COL25A1: variants seen among roughly 807,000 people sequenced by gnomAD.
COL25A1 encodes collagen alpha-1(XXV) chain.
A neutral mutation model predicts 128.4 loss-of-function variants in COL25A1; 103 were observed. The ratio of observed to expected loss-of-function variants is 0.80; its 90% CI spans 0.68 to 0.94. The LOEUF (loss-of-function observed/expected upper bound fraction) is 0.94, where lower values mean the gene tolerates loss of function less well. COL25A1 is among the 40% of genes least tolerant of loss of function. COL25A1 has a pLI of 0.00. For synonymous variants in COL25A1, 279 were observed against 277.2 expected (o/e 1.01, Z -0.06); for missense variants, 745 against 840.0 (o/e 0.89, Z 1.40).
chr4:109,197,349 A>G (rs1333098483), intron 3 of COL25A1, among the ~76,000 whole-genome samples: 1 of 131,346 alleles, frequency 7.6e-6, no homozygotes, highest in Non-Finnish European at 1.6e-5. Flanking sequence ...TATTATATAT[A>G]TATTATATAT....
At chr4:109,094,029 T>A (rs572513722) in intron 3 of COL25A1, among the ~76,000 whole-genome samples, 5 of 152,202 alleles carry the variant, frequency 3.3e-5, no homozygotes, top group African/African-American at 1.2e-4. Context: ...CAGCACAGTA[T>A]CTAAAAAACA....
intron 8 of COL25A1, chr4:108,942,366 CT>C: frequency 9.2e-7 from 1 of 1,083,094 alleles, no homozygotes; most frequent in Non-Finnish European, 1.4e-6. Context: ...TAGCACCTCC[CT>C]TTCCTGGGAC....
intron 10 of COL25A1, among the ~76,000 whole-genome samples, chr4:108,938,549 A>G (rs1560897310): frequency 6.6e-6 from 1 of 152,160 alleles, no homozygotes; most frequent in Admixed American, 6.5e-5. Flanking sequence ...GTGAATAGCC[A>G]CTGCACTACA....
At chr4:108,904,815 C>T (rs1743267770) in intron 13 of COL25A1, among the ~76,000 whole-genome samples, 1 of 152,098 alleles carries the variant, frequency 6.6e-6, no homozygotes, top group Non-Finnish European at 1.5e-5. Context: ...AATTTAAAGG[C>T]TATTCCCAGT....
chr4:109,051,927 T>TA (rs5860967), intron 3 of COL25A1, among the ~76,000 whole-genome samples: 1 of 151,352 alleles, frequency 6.6e-6, no homozygotes, highest in South Asian at 2.1e-4. Context: ...ATTCAAAGAT[T>TA]AAAAAAAAAT....
At chr4:108,828,942 G>C (rs1732725310) in intron 32 of COL25A1, among the ~76,000 whole-genome samples, 1 of 152,094 alleles carries the variant, frequency 6.6e-6, no homozygotes, top group Non-Finnish European at 1.5e-5. Context: ...AAATTTGAGG[G>C]GTCAGTGGAA....
chr4:108,952,459 T>C (rs11098014), intron 8 of COL25A1, among the ~76,000 whole-genome samples: 6,625 of 152,278 alleles, frequency 0.044, 370 homozygotes, highest in African/African-American at 0.13. Context: ...GGTGTAAAAG[T>C]GGGCTTGAAT....
chr4:109,114,962 C>G (rs1360231080), intron 3 of COL25A1, among the ~76,000 whole-genome samples: 2 of 152,012 alleles, frequency 1.3e-5, no homozygotes, highest in Non-Finnish European at 1.5e-5. Flanking sequence ...AAACAACAGT[C>G]AAATTAGATG....
At chr4:108,943,407 C>T (rs771368371) in intron 8 of COL25A1, among the ~76,000 whole-genome samples, 1 of 152,150 alleles carries the variant, frequency 6.6e-6, no homozygotes, top group Non-Finnish European at 1.5e-5. Flanking sequence ...GCACACCTCA[C>T]AAAATATAGT....
chr4:109,092,536 G>A (rs527969844), intron 3 of COL25A1, among the ~76,000 whole-genome samples: 3 of 152,200 alleles, frequency 2.0e-5, no homozygotes, highest in Non-Finnish European at 4.4e-5. Flanking sequence ...ATCACTTTCC[G>A]CAAAGAATAA....
intron 19 of COL25A1, among the ~76,000 whole-genome samples, chr4:108,881,010 G>C (rs2125829880): frequency 6.6e-6 from 1 of 152,196 alleles, no homozygotes; most frequent in East Asian, 1.9e-4. Context: ...TGTCTACATG[G>C]TACATTGTAC....
intron 8 of COL25A1, among the ~76,000 whole-genome samples, chr4:108,955,933 A>G (rs1750022783): frequency 6.6e-6 from 1 of 152,166 alleles, no homozygotes; most frequent in African/African-American, 2.4e-5. Flanking sequence ...TTGCAAATAT[A>G]AATGTGTTTT....
intron 11 of COL25A1, among the ~76,000 whole-genome samples, chr4:108,927,022 G>A (rs531191431): frequency 2.6e-5 from 4 of 152,242 alleles, no homozygotes; most frequent in Admixed American, 1.3e-4. Context: ...AGACAGTGCT[G>A]AGAAGGGAGA....
At chr4:109,124,522 A>G (rs1768404338) in intron 3 of COL25A1, among the ~76,000 whole-genome samples, 1 of 152,042 alleles carries the variant, frequency 6.6e-6, no homozygotes, top group African/African-American at 2.4e-5. Context: ...ACATCAGCTC[A>G]CAAAGACTGA....
intron 3 of COL25A1, among the ~76,000 whole-genome samples, chr4:109,053,676 C>T (rs1012447501): frequency 6.6e-6 from 1 of 152,202 alleles, no homozygotes; most frequent in Non-Finnish European, 1.5e-5. Context: ...TAAACGTAAT[C>T]TTTCTTGATA....
chr4:108,899,108 G>T, intron 15 of COL25A1, 46 bp downstream of exon 15: 1 of 1,587,204 alleles, frequency 6.3e-7, no homozygotes, highest in Non-Finnish European at 8.6e-7. Flanking sequence ...TGGTATGCTG[G>T]TGGTGGGGAG....
intron 6 of COL25A1, among the ~76,000 whole-genome samples, chr4:108,985,183 T>A (rs1753543773): frequency 6.6e-6 from 1 of 152,108 alleles, no homozygotes; most frequent in South Asian, 2.1e-4. Flanking sequence ...ATCTTCAGAG[T>A]CTTCTGTACC....
chr4:108,937,984 AAG>A, intron 10 of COL25A1, 141 bp from the exon 11 acceptor site: 1 of 613,970 alleles, frequency 1.6e-6, no homozygotes, highest in Non-Finnish European at 2.8e-6. Context: ...AGCACATTAA[AAG>A]AGAGCTAATT....
chr4:108,974,762 ACATAT>A (rs1245044169), intron 6 of COL25A1, among the ~76,000 whole-genome samples: 2 of 152,312 alleles, frequency 1.3e-5, no homozygotes, highest in South Asian at 2.1e-4. Context: ...GTATACCTGT[ACATAT>A]CATGTCATAA....
Sources: allele counts gnomAD v4.1 joint callset (sites outside exome capture counted in the v4.1 genomes callset), GRCh38; gene constraint gnomAD v4.1.1; transcripts MANE v1.5; gene names NCBI Gene and HGNC (gene_info 2026-07-23, HGNC 2026-07-21).